GNAQ: variants seen among roughly 807,000 people sequenced by gnomAD.
GNAQ encodes guanine nucleotide-binding protein G(q) subunit alpha.
In GNAQ, 8 loss-of-function variants were observed where a neutral mutation model predicts 43.9. The ratio of observed to expected loss-of-function variants is 0.18; its 90% CI spans 0.11 to 0.33. GNAQ has a LOEUF of 0.33. Ranked by LOEUF, GNAQ falls within the 10% of genes least tolerant of loss-of-function variation. The probability of loss-of-function intolerance (pLI) is 1.00; values close to 1 mark genes in which losing one functional copy is unlikely to be tolerated. For missense variants in GNAQ, 158 were observed against 450.8 expected (o/e 0.35, Z 5.88); for synonymous variants, 155 against 170.7 (o/e 0.91, Z 0.71).
intron 2 of GNAQ, among the ~76,000 whole-genome samples, chr9:77,915,788 A>T (rs1286586585): frequency 6.6e-6 from 1 of 152,202 alleles, no homozygotes; most frequent in African/African-American, 2.4e-5. Flanking sequence ...TTTTATTTTA[A>T]CAAAGACTTA....
intron 2 of GNAQ, among the ~76,000 whole-genome samples, chr9:77,890,084 A>G (rs967297729): frequency 6.6e-6 from 1 of 152,134 alleles, no homozygotes; most frequent in African/African-American, 2.4e-5. Flanking sequence ...TTTCTACTTT[A>G]TTCTTTATTA....
At chr9:77,929,966 A>G (rs1489169390) in intron 1 of GNAQ, among the ~76,000 whole-genome samples, 1 of 152,216 alleles carries the variant, frequency 6.6e-6, no homozygotes, top group Non-Finnish European at 1.5e-5. Context: ...AACAACATAA[A>G]GATGTGTGAT....
chr9:77,800,854 A>T (rs1425510222), intron 3 of GNAQ, among the ~76,000 whole-genome samples: 1 of 152,222 alleles, frequency 6.6e-6, no homozygotes, highest in East Asian at 1.9e-4. Context: ...TACATTTCGA[A>T]ATCCACAAGT....
chr9:77,924,347 A>G (rs1829038898), intron 1 of GNAQ, among the ~76,000 whole-genome samples: 1 of 152,214 alleles, frequency 6.6e-6, no homozygotes, highest in Non-Finnish European at 1.5e-5. Flanking sequence ...CCAAGCAATT[A>G]AAAGTATACA....
At chr9:77,921,320 G>A (rs1005193160) in intron 2 of GNAQ, among the ~76,000 whole-genome samples, 15 of 152,208 alleles carry the variant, frequency 9.9e-5, no homozygotes, top group Admixed American at 7.9e-4. Flanking sequence ...CACACCCTGG[G>A]TGCAGGTCCA....
chr9:77,773,503 T>A lies in GNAQ; in HGVS notation c.735+20960A>T, dbSNP rs150720152. 3.2e-4 allele frequency among the ~76,000 whole-genome samples: 48 copies of A among 152,348 alleles called. No homozygotes were observed. In the South Asian group the frequency reaches 6.2e-3, roughly 20 times the overall value. On this transcript the variant is annotated intron_variant, in intron 5 of 6. Coordinates refer to ENST00000286548, the MANE Select transcript of GNAQ (RefSeq NM_002072.5). ...ACATTATGAGGGAGGCACAGTGATA[T>A]TAACTTGTGCAAGATTAACCAGCCT...
intron 2 of GNAQ, among the ~76,000 whole-genome samples, chr9:77,868,780 C>T (rs190305797): frequency 9.2e-5 from 14 of 151,692 alleles, no homozygotes; most frequent in Admixed American, 1.3e-4. Flanking sequence ...GGTGACAGAG[C>T]GAGACTCCAT....
chr9:77,896,763 T>C (rs1000439979), intron 2 of GNAQ, among the ~76,000 whole-genome samples: 4 of 152,248 alleles, frequency 2.6e-5, no homozygotes, highest in African/African-American at 7.2e-5. Flanking sequence ...ATTAGCTCAA[T>C]GAAGGCACTA....
Position 78,017,985 on chromosome 9 carries a change from G to A in GNAQ, c.136+13115C>T, listed in dbSNP as rs150779902. 7.0e-3 allele frequency among the ~76,000 whole-genome samples: 1,070 copies of A among 151,892 alleles called. 19 individuals carry two copies. The highest frequency in any genetic ancestry group is 0.024 in the African/African-American group (993 of 41,428). Reference sequence around the variant, plus strand: ...ATGATGCTGGAAACTGTATACAATCGTTTCAGAATATGTTTTGGGTGTGTA... The same window carrying A: ...ATGATGCTGGAAACTGTATACAATCATTTCAGAATATGTTTTGGGTGTGTA... On this transcript the variant is annotated intron_variant, in intron 1 of 6. Coordinates refer to ENST00000286548, the MANE Select transcript of GNAQ (RefSeq NM_002072.5).
chr9:77,891,291 T>C (rs915661515), intron 2 of GNAQ, among the ~76,000 whole-genome samples: 19 of 152,222 alleles, frequency 1.2e-4, no homozygotes, highest in African/African-American at 4.3e-4. Flanking sequence ...TCTTGCTCTC[T>C]TTCGTAGCAG....
In GNAQ at chr9:77,963,600, G is replaced by A. The variant is rs138391211; in HGVS notation, c.137-41255C>T. Among the ~76,000 whole-genome samples, 803 of 152,268 alleles carry A rather than the reference G, an allele frequency of 5.3e-3. 4 individuals carry two copies. Among genetic ancestry groups the A allele is most frequent in the Non-Finnish European group, 8.5e-3 (579 of 68,020 alleles). ...GGTGGAAGTCAAAGCAAATGCAGCA[G>A]AAGGGTCAAGAGCAAAGGTCATGAC... On this transcript the variant is annotated intron_variant, in intron 1 of 6. Coordinates refer to ENST00000286548, the MANE Select transcript of GNAQ (RefSeq NM_002072.5).
intron 2 of GNAQ, among the ~76,000 whole-genome samples, chr9:77,900,717 T>C (rs535070078): frequency 6.6e-6 from 1 of 152,224 alleles, no homozygotes; most frequent in South Asian, 2.1e-4. Flanking sequence ...TTTTCCTTCA[T>C]GTTTTCCCAC....
intron 2 of GNAQ, among the ~76,000 whole-genome samples, chr9:77,889,030 T>G (rs879860681): frequency 6.6e-6 from 1 of 152,120 alleles, no homozygotes; most frequent in Non-Finnish European, 1.5e-5. Context: ...GCACCATATA[T>G]CATCTTTTAA....
intron 2 of GNAQ, among the ~76,000 whole-genome samples, chr9:77,831,804 C>T (rs1266230893): frequency 6.6e-6 from 1 of 152,170 alleles, no homozygotes; most frequent in Non-Finnish European, 1.5e-5. Context: ...AAATGAAAAT[C>T]TTTAAAGAAA....
At chr9:77,948,690 AC>A (rs1262695874) in intron 1 of GNAQ, among the ~76,000 whole-genome samples, 6 of 152,110 alleles carry the variant, frequency 3.9e-5, no homozygotes, top group Middle Eastern at 3.2e-3. Flanking sequence ...CCTATAAATA[AC>A]CCTGTGAGGT....
At chr9:77,838,137 A>ATTTTTTTTTTT in intron 2 of GNAQ, among the ~76,000 whole-genome samples, 1 of 87,174 alleles carries the variant, frequency 1.1e-5, no homozygotes, top group Non-Finnish European at 2.3e-5. Context: ...GGCATTAATG[A>ATTTTTTTTTTT]TTTTTTTTTT....
chr9:77,777,585 ATT>A (rs903020244), intron 5 of GNAQ, among the ~76,000 whole-genome samples: 2 of 152,062 alleles, frequency 1.3e-5, no homozygotes, highest in African/African-American at 4.8e-5. Context: ...TGCAAATCAT[ATT>A]TCTGATAAAA....
At chr9:77,967,327 A>G (rs555753096) in intron 1 of GNAQ, among the ~76,000 whole-genome samples, 12 of 152,224 alleles carry the variant, frequency 7.9e-5, no homozygotes, top group African/African-American at 2.9e-4. Context: ...TCACCTGCAC[A>G]ACTATTAGGC....
intron 3 of GNAQ, among the ~76,000 whole-genome samples, chr9:77,803,221 T>C (rs989209250): frequency 6.6e-6 from 1 of 152,244 alleles, no homozygotes; most frequent in African/African-American, 2.4e-5. Flanking sequence ...CATCATGTAA[T>C]AACCAAGTTC....
Sources: gnomAD v4.1 joint callset for allele counts (sites outside exome capture counted in the v4.1 genomes callset) on GRCh38, gnomAD v4.1.1 for gene constraint, MANE v1.5 for transcripts, NCBI Gene and HGNC (gene_info 2026-07-23, HGNC 2026-07-21) for gene names.